The following SKP1 variants were observed in gnomAD, a reference collection of about 807,000 sequenced individuals.
SKP1 encodes the protein S-phase kinase-associated protein 1.
Under a neutral mutation model 21.5 loss-of-function variants are expected in SKP1, and 1 was observed. The observed-to-expected ratio is 0.05, with a 90% CI of 0.02 to 0.22. The LOEUF (loss-of-function observed/expected upper bound fraction) is 0.22, where lower values mean the gene tolerates loss of function less well. SKP1 is among the 10% of genes least tolerant of loss of function. The pLI, the probability that SKP1 is intolerant of heterozygous loss-of-function variation, is 1.00. For synonymous variants in SKP1, 59 were observed against 59.3 expected (o/e 0.99, Z 0.03); for missense variants, 70 against 192.0 (o/e 0.36, Z 3.76).
chr5:134,158,461 T>C lies in SKP1; in HGVS notation c.450A>G (p.Glu150=), dbSNP rs1351189705. The part of the protein sequence containing the change: ...NIKNDFTEEE[E]AQVRKENQWC... Reference sequence around the variant, plus strand: ...AAAACTGTGTGCTACCTACCTGGGCTTCCTCCTCTTCAGTAAAGTCATTTT... The same window carrying C: ...AAAACTGTGTGCTACCTACCTGGGCCTCCTCCTCTTCAGTAAAGTCATTTT... Residue 150 remains glutamate (E), a synonymous_variant, in exon 5 of 6, where the codon GAA becomes GAG. Coordinates refer to ENST00000353411, the MANE Select transcript of SKP1 (RefSeq NM_170679.3). 2 of 1,614,062 alleles carry C rather than the reference T, an allele frequency of 1.2e-6. No individual in the cohort carries two copies. The highest frequency in any genetic ancestry group is 1.1e-5 in the South Asian group (1 of 91,078).
Position 134,154,291 on chromosome 5 carries a change from CA to C in SKP1, c.*3441del. ...TAAAACTCCATCTCTAATAAAAACA[CA>C]AAAAAATTAGCCAGGCATGGTGGCA... On this transcript the variant is annotated 3_prime_UTR_variant, in exon 6 of 6. Coordinates refer to ENST00000353411, the MANE Select transcript of SKP1 (RefSeq NM_170679.3). 6.6e-6 allele frequency: 1 copy of C among 151,376 alleles called. No homozygotes were observed. Among genetic ancestry groups the C allele is most frequent in the Non-Finnish European group, 1.5e-5 (1 of 67,778 alleles). 9.4% of individuals were successfully genotyped at this position (151,376 alleles called of 1,614,324 possible). A position where few individuals can be genotyped will look rare whatever the true frequency, so the allele number is the denominator to read the frequency against.
rs1761073325 is a variant in SKP1 at position 134,153,456 on chromosome 5, G to C, written c.*4277C>G. 6.6e-6 allele frequency: 1 copy of C among 152,654 alleles called. No homozygotes were observed. The highest frequency in any genetic ancestry group is 6.6e-5 in the Admixed American group (1 of 15,266). 9.5% of individuals were successfully genotyped at this position (152,654 alleles called of 1,614,324 possible). On this transcript the variant is annotated 3_prime_UTR_variant, in exon 6 of 6. Transcript: ENST00000353411. ...TGATCACATCACTGCACTCCAGCCT[G>C]GGGGGCAGAGGTGAGACCTTGTCTC...
At chr5:134,158,717 G>A in intron 4 of SKP1, 122 bp from the exon 5 acceptor site, 2 of 847,766 alleles carry the variant, frequency 2.4e-6, no homozygotes, top group Non-Finnish European at 3.8e-6. Context: ...ATTAAAGGGA[G>A]AAGAATAAAT....
rs1448037838 is a variant in SKP1, at chr5:134,155,642, A to T, written c.*2091T>A. On this transcript the variant is annotated 3_prime_UTR_variant, in exon 6 of 6. Transcript: ENST00000353411. ...GGATAGTGACGTTATTTACTCATAT[A>T]ATTCTAACTACTGCTGAGTATTATA... The T allele has an allele frequency of 6.6e-6, 1 of 152,222 alleles. No individual in the cohort carries two copies. Among genetic ancestry groups the T allele is most frequent in the Non-Finnish European group, 1.5e-5 (1 of 68,044 alleles). The allele number at this position is 152,222 out of a possible 1,614,324, so 9.4% of individuals were successfully genotyped here.
At position 134,154,323 on chromosome 5, in the gene SKP1, C is replaced by G. The variant is rs1410501484; in HGVS notation, c.*3410G>C. The G allele has an allele frequency of 1.3e-5, 2 of 151,796 alleles. No homozygotes were observed. Among genetic ancestry groups the G allele is most frequent in the East Asian group, 3.9e-4 (2 of 5,180 alleles). The allele number at this position is 151,796 out of a possible 1,614,324, so 9.4% of individuals were successfully genotyped here. ...ATTAGCCAGGCATGGTGGCATGTGC[C>G]TGTAATCCCAGCTACTCGGGAGGCT... On this transcript the variant is annotated 3_prime_UTR_variant, in exon 6 of 6. Transcript: ENST00000353411.
chr5:134,171,187 C>G (rs1163967323), intron 2 of SKP1: 3 of 365,028 alleles, frequency 8.2e-6, no homozygotes, highest in African/African-American at 4.3e-5. Context: ...ACTTAGAAAA[C>G]AAAACAGAAG....
intron 2 of SKP1, among the ~76,000 whole-genome samples, chr5:134,171,960 C>T (rs1353244731): frequency 6.6e-6 from 1 of 152,192 alleles, no homozygotes; most frequent in Non-Finnish European, 1.5e-5. Flanking sequence ...AGGAGAAGTG[C>T]TTGAAGCCGG....
At chr5:134,172,597 G>C (rs1761462835) in intron 2 of SKP1, among the ~76,000 whole-genome samples, 1 of 151,694 alleles carries the variant, frequency 6.6e-6, no homozygotes, top group Admixed American at 6.6e-5. Context: ...AATTCTGCCT[G>C]GCAGAGTGGC....
At chr5:134,158,047 C>A in intron 5 of SKP1, 1 of 1,463,656 alleles carries the variant, frequency 6.8e-7, no homozygotes, top group Non-Finnish European at 9.1e-7. Flanking sequence ...TTATTTCAGT[C>A]TGTAGTCATG....
intron 3 of SKP1, 104 bp from the exon 4 acceptor site, chr5:134,161,234 T>C: frequency 9.7e-7 from 1 of 1,028,796 alleles, no homozygotes; most frequent in Admixed American, 3.0e-5. Context: ...TAGCTAGAGG[T>C]TGACTTGAGC....
intron 1 of SKP1, 40 bp from the exon 2 acceptor site, chr5:134,174,062 G>C (rs1304605200): frequency 4.1e-6 from 5 of 1,228,412 alleles, no homozygotes; most frequent in Non-Finnish European, 4.8e-6. Context: ...TTAAGAGAGA[G>C]AGTTCTACAT....
chr5:134,164,697 T>C (rs1761294534), intron 3 of SKP1, among the ~76,000 whole-genome samples: 1 of 152,182 alleles, frequency 6.6e-6, no homozygotes, highest in South Asian at 2.1e-4. Flanking sequence ...GAATGAGATC[T>C]AACTAGATAA....
Position 134,151,073 on chromosome 5 carries a change from T to C in SKP1, c.*6660A>G, listed in dbSNP as rs1214734782. The C allele has an allele frequency of 2.6e-5, 4 of 152,194 alleles. No homozygotes were observed. Among genetic ancestry groups the C allele is most frequent in the Non-Finnish European group, 5.9e-5 (4 of 68,056 alleles). The allele number at this position is 152,194 out of a possible 1,614,324, so 9.4% of individuals were successfully genotyped here. A position where few individuals can be genotyped will look rare whatever the true frequency, so the allele number is the denominator to read the frequency against. ...CAGTCCTCACAAGTTAGGTCACTAT[T>C]GGTAAGGGATGTTTCACTTCTGAAG... On this transcript the variant is annotated 3_prime_UTR_variant, in exon 6 of 6. Transcript: ENST00000353411.
chr5:134,173,744 T>G (rs1227690522), intron 2 of SKP1, 182 bp downstream of exon 2: 2 of 686,606 alleles, frequency 2.9e-6, no homozygotes, highest in African/African-American at 3.5e-5. Flanking sequence ...CCTCACTAAT[T>G]CAGACAATGC....
chr5:134,159,266 T>C (rs1425598100), intron 4 of SKP1, among the ~76,000 whole-genome samples: 4 of 152,234 alleles, frequency 2.6e-5, no homozygotes, highest in Non-Finnish European at 4.4e-5. Flanking sequence ...CATAGGTTAC[T>C]TGCAAATGTG....
At chr5:134,160,392 C>T (rs1761198700) in intron 4 of SKP1, among the ~76,000 whole-genome samples, 1 of 151,620 alleles carries the variant, frequency 6.6e-6, no homozygotes, top group Non-Finnish European at 1.5e-5. Context: ...TTATAAATAT[C>T]CATTAAGACA....
intron 4 of SKP1, among the ~76,000 whole-genome samples, chr5:134,159,522 AG>A (rs1761180694): frequency 6.6e-6 from 1 of 151,318 alleles, no homozygotes; most frequent in South Asian, 2.1e-4. Flanking sequence ...CTGGGATTAC[AG>A]GTGGGTGCCA....
In SKP1 at chr5:134,152,900, G is replaced by A. The variant is rs1174146648; in HGVS notation, c.*4833C>T. 6.6e-6 allele frequency: 1 copy of A among 152,166 alleles called. No homozygotes were observed. The highest frequency in any genetic ancestry group is 1.5e-5 in the Non-Finnish European group (1 of 68,064). 9.4% of individuals were successfully genotyped at this position (152,166 alleles called of 1,614,324 possible). A position where few individuals can be genotyped will look rare whatever the true frequency, so the allele number is the denominator to read the frequency against. ...CAGCAGTATTTATGCCTTCTCTCCT[G>A]AACTACACCAAAAGCTCCCAGCTCC... is the stretch of plus-strand genomic sequence containing the variant. On this transcript the variant is annotated 3_prime_UTR_variant, in exon 6 of 6. Coordinates refer to ENST00000353411, the MANE Select transcript of SKP1 (RefSeq NM_170679.3).
chr5:134,159,737 C>G (rs575691312), intron 4 of SKP1, among the ~76,000 whole-genome samples: 71 of 152,142 alleles, frequency 4.7e-4, no homozygotes, highest in East Asian at 2.5e-3. Flanking sequence ...TCAGTAGAGA[C>G]GGGGTTTCAC....
Sources: allele counts gnomAD v4.1 joint callset (sites outside exome capture counted in the v4.1 genomes callset), GRCh38; gene constraint gnomAD v4.1.1; transcripts MANE v1.5; gene names NCBI Gene and HGNC (gene_info 2026-07-23, HGNC 2026-07-21).